The following SMC5 variants were observed in gnomAD, a reference collection of about 807,000 sequenced individuals.
SMC5 encodes structural maintenance of chromosomes 5, also known as structural maintenance of chromosomes protein 5.
In SMC5, 88 loss-of-function variants were observed where a neutral mutation model predicts 148.3. That is an observed-to-expected ratio of 0.59 (90% CI 0.50 to 0.71). The LOEUF (loss-of-function observed/expected upper bound fraction) is 0.71. SMC5 is among the 30% of genes least tolerant of loss of function. SMC5 has a pLI of 0.00. For missense variants in SMC5, 1,142 were observed against 1,298.9 expected (o/e 0.88, Z 1.86); for synonymous variants, 421 against 432.8 (o/e 0.97, Z 0.34).
At chr9:70,295,412 A>C (rs1234835517) in intron 8 of SMC5, among the ~76,000 whole-genome samples, 1 of 149,898 alleles carries the variant, frequency 6.7e-6, no homozygotes. Flanking sequence ...CGGAGCTTGC[A>C]GTGAGCTGAG....
intron 18 of SMC5, 77 bp downstream of exon 18, chr9:70,344,346 C>G: frequency 8.6e-7 from 1 of 1,165,574 alleles, no homozygotes; most frequent in Non-Finnish European, 1.1e-6. Context: ...GCCATTGTAA[C>G]AGGCCGTGAA....
At chr9:70,305,133 TATC>T in intron 10 of SMC5, 111 bp from the exon 11 acceptor site, 1 of 558,342 alleles carries the variant, frequency 1.8e-6, no homozygotes, top group Non-Finnish European at 3.2e-6. Context: ...TCTTTTTTTT[TATC>T]TTGTTTTTTC....
At chr9:70,351,624 G>T (rs1587726214) in intron 24 of SMC5, among the ~76,000 whole-genome samples, 1 of 152,078 alleles carries the variant, frequency 6.6e-6, no homozygotes, top group East Asian at 1.9e-4. Context: ...CTTTTCCAAG[G>T]TCTGCCAAGG....
intron 7 of SMC5, among the ~76,000 whole-genome samples, chr9:70,283,871 A>G (rs1302326239): frequency 1.3e-5 from 2 of 152,166 alleles, no homozygotes; most frequent in African/African-American, 4.8e-5. Context: ...ATGCTACTCC[A>G]GGGTTTTTGT....
intron 24 of SMC5, among the ~76,000 whole-genome samples, chr9:70,350,675 T>C (rs2036783459): frequency 6.6e-6 from 1 of 152,208 alleles, no homozygotes; most frequent in African/African-American, 2.4e-5. Context: ...AGGCATATTA[T>C]TATGTTCTAA....
At chr9:70,311,312 G>A (rs996725509) in intron 11 of SMC5, 8 of 152,196 alleles carry the variant, frequency 5.3e-5, no homozygotes, top group African/African-American at 4.8e-5. Flanking sequence ...GACACCCAAG[G>A]AGAGGGAGAG....
rs377344787 is a variant in SMC5, at chr9:70,277,348, T to C, written c.419T>C (p.Ile140Thr). ...GGAAATCTTGTAATCACCCGTGAGA[T>C]TGATGTGGCAAAAAATCAGTCCTTT... is the stretch of plus-strand genomic sequence containing the variant. Reference protein sequence around the residue: ...ASGNLVITREIDVAKNQSFWF... With the variant: ...ASGNLVITRETDVAKNQSFWF... The change falls in exon 4 of 25, where the codon ATT becomes ACT. Residue 140 changes from isoleucine (I) to threonine (T), a missense_variant. By Grantham distance (89) the Ile-to-Thr change is moderately conservative (BLOSUM62 -1). Coordinates refer to ENST00000361138, the MANE Select transcript of SMC5 (RefSeq NM_015110.4). 6 of 1,601,882 alleles carry C rather than the reference T, an allele frequency of 3.7e-6. No individual in the cohort carries two copies. Among genetic ancestry groups the C allele is most frequent in the South Asian group, 3.4e-5 (3 of 89,380 alleles).
At chr9:70,312,477 C>G (rs917051843) in intron 11 of SMC5, among the ~76,000 whole-genome samples, 2 of 152,152 alleles carry the variant, frequency 1.3e-5, no homozygotes, top group African/African-American at 4.8e-5. Flanking sequence ...CAAACTATAT[C>G]AAATGACAAG....
intron 11 of SMC5, among the ~76,000 whole-genome samples, chr9:70,313,162 T>C (rs1364101123): frequency 6.6e-6 from 1 of 152,220 alleles, no homozygotes; most frequent in African/African-American, 2.4e-5. Context: ...AAGTTATTCA[T>C]GTTTTTGGCA....
chr9:70,347,884 TTTAAA>T, intron 21 of SMC5, 30 bp from the exon 22 acceptor site: 1 of 1,552,882 alleles, frequency 6.4e-7, no homozygotes, highest in East Asian at 2.3e-5. Flanking sequence ...TAATACTGCT[TTTAAA>T]TTGTGTTTTT....
intron 5 of SMC5, among the ~76,000 whole-genome samples, chr9:70,279,823 A>C (rs937051597): frequency 1.3e-5 from 2 of 150,468 alleles, no homozygotes; most frequent in Non-Finnish European, 3.0e-5. Context: ...GTTTCAAAAA[A>C]AAAAAAAAAA....
At chr9:70,294,610 T>G (rs766586895) in intron 8 of SMC5, among the ~76,000 whole-genome samples, 23 of 152,084 alleles carry the variant, frequency 1.5e-4, no homozygotes, top group Non-Finnish European at 2.6e-4. Flanking sequence ...CCAGAGTAAG[T>G]AAAATGGAAG....
chr9:70,272,394 A>G (rs2034475305), intron 3 of SMC5, among the ~76,000 whole-genome samples: 1 of 152,154 alleles, frequency 6.6e-6, no homozygotes, highest in Admixed American at 6.5e-5. Context: ...TCGGAATCAA[A>G]CATGGTAAAG....
At chr9:70,286,124 A>G in intron 7 of SMC5, 76 bp from the exon 8 acceptor site, 1 of 844,214 alleles carries the variant, frequency 1.2e-6, no homozygotes. Context: ...CGATATTTGA[A>G]TGGGCAGGGC....
intron 15 of SMC5, among the ~76,000 whole-genome samples, chr9:70,323,228 G>T (rs530182313): frequency 6.6e-6 from 1 of 152,264 alleles, no homozygotes; most frequent in South Asian, 2.1e-4. Context: ...TTATTGTGTT[G>T]TGTTTTTTGT....
intron 24 of SMC5, among the ~76,000 whole-genome samples, chr9:70,351,389 A>G (rs1019497508): frequency 1.3e-5 from 2 of 151,762 alleles, no homozygotes; most frequent in African/African-American, 2.4e-5. Flanking sequence ...CCCATCCTAC[A>G]TTCAAATTTT....
chr9:70,259,822 G>T (rs1199127212), intron 1 of SMC5, among the ~76,000 whole-genome samples: 1 of 151,738 alleles, frequency 6.6e-6, no homozygotes, highest in African/African-American at 2.4e-5. Flanking sequence ...TTCTTCCCTG[G>T]TTCCTCCCTC....
At chr9:70,348,960 T>A (rs946727066) in intron 22 of SMC5, among the ~76,000 whole-genome samples, 4 of 152,170 alleles carry the variant, frequency 2.6e-5, no homozygotes, top group Non-Finnish European at 5.9e-5. Flanking sequence ...ACTAGAAAAT[T>A]GAAAATTACA....
At position 70,350,156 on chromosome 9, in the gene SMC5, C is replaced by T. The variant is rs371533849; in HGVS notation, c.2932C>T (p.Arg978Ter). Residue 978 changes from arginine to a stop codon, truncating the protein, a stop_gained, in exon 23 of 25, where the codon CGA becomes TGA. Transcript: ENST00000361138. LOFTEE classifies it high-confidence loss of function. ...KYGIRIRVKF[R>*]SSTQLHELTP... ...TGGAATTCGAATTAGAGTCAAATTTCGAAGTAGTACTCAACTGCATGAATT... is the reference window on the plus strand; with the variant it reads ...TGGAATTCGAATTAGAGTCAAATTTTGAAGTAGTACTCAACTGCATGAATT... 3.1e-6 allele frequency: 5 copies of T among 1,608,940 alleles called. No homozygotes were observed. Among genetic ancestry groups the T allele is most frequent in the East Asian group, 2.2e-5 (1 of 44,642 alleles).
Sources: allele counts gnomAD v4.1 joint callset (sites outside exome capture counted in the v4.1 genomes callset), GRCh38; gene constraint gnomAD v4.1.1; transcripts MANE v1.5; gene names NCBI Gene and HGNC (gene_info 2026-07-23, HGNC 2026-07-21).